Variants in ZNF487 observed in about 807,000 individuals in gnomAD.
The protein encoded by ZNF487 is KRAB domain only 1.
ZNF487 carries 4 observed loss-of-function variants against 3.0 expected under a neutral mutation model. The ratio of observed to expected loss-of-function variants is 1.35; its 90% CI spans 0.66 to 3.08. ZNF487 has a LOEUF of 3.08. ZNF487 is among the 30% of genes most tolerant of loss of function. The pLI, the probability that ZNF487 is intolerant of heterozygous loss-of-function variation, is 0.01. For synonymous variants in ZNF487, 55 were observed against 34.6 expected (o/e 1.59, Z -2.06); for missense variants, 146 against 98.7 (o/e 1.48, Z -2.03).
intron 3 of ZNF487, among the ~76,000 whole-genome samples, 166 bp from the exon 4 acceptor site, chr10:43,481,263 T>A (rs1841344330): frequency 6.6e-6 from 1 of 150,734 alleles, no homozygotes; most frequent in East Asian, 1.9e-4. Flanking sequence ...CCTGGGAGGT[T>A]GAGGCTGCAG....
intron 3 of ZNF487, among the ~76,000 whole-genome samples, chr10:43,479,968 TTCTTTTCTTTCTTTCC>T (rs1193196719): frequency 0.017 from 767 of 44,892 alleles, 21 homozygotes; most frequent in African/African-American, 0.025. Context: ...CTTTCTTTCT[TTCTTTTCTTTCTTTCC>T]TTCTTTCTTT....
intron 1 of ZNF487, among the ~76,000 whole-genome samples, chr10:43,446,864 G>T (rs1034541291): frequency 5.9e-5 from 9 of 152,318 alleles, no homozygotes; most frequent in Non-Finnish European, 1.2e-4. Context: ...GGTGGTTGTA[G>T]TGAGCGGAGA....
intron 1 of ZNF487, among the ~76,000 whole-genome samples, chr10:43,447,885 C>G (rs1839867734): frequency 6.6e-6 from 1 of 152,062 alleles, no homozygotes; most frequent in Non-Finnish European, 1.5e-5. Context: ...CTACAAACTA[C>G]TCAAGTCAGT....
At chr10:43,479,369 T>C (rs1216733530) in intron 3 of ZNF487, among the ~76,000 whole-genome samples, 2 of 152,190 alleles carry the variant, frequency 1.3e-5, no homozygotes, top group Admixed American at 6.5e-5. Context: ...TTTAGTGATC[T>C]ATTTTTCTTA....
Position 43,476,149 on chromosome 10 carries a change from A to T in ZNF487, c.77A>T (p.His26Leu). 1 of 717,546 alleles carries T rather than the reference A, an allele frequency of 1.4e-6. No individual in the cohort carries two copies. The highest frequency in any genetic ancestry group is 2.6e-6 in the Non-Finnish European group (1 of 385,118). 44.4% of individuals were successfully genotyped at this position (717,546 alleles called of 1,614,324 possible). A position where few individuals can be genotyped will look rare whatever the true frequency, so the allele number is the denominator to read the frequency against. The change falls in exon 3 of 4, where the codon CAT becomes CTT. Residue 26 changes from histidine to leucine, a missense_variant. Coordinates refer to ENST00000437590, the MANE Select transcript of ZNF487 (RefSeq NM_001355444.3). The part of the protein sequence containing the change: ...TKPEVVCKLE[H>L]GQVLWILEEE... ...CCAGAGGTGGTTTGCAAGTTGGAGC[A>T]TGGACAGGTGCTGTGGATATTAGAG...
At chr10:43,511,418 C>T in the ZNF487 span, among the ~76,000 whole-genome samples, 8 of 152,300 alleles carry the variant, frequency 5.3e-5, no homozygotes, top group East Asian at 1.5e-3. Flanking sequence ...AGATGGTAGT[C>T]TTGGCAGAAG....
chr10:43,498,272 A>AT, the ZNF487 span, among the ~76,000 whole-genome samples: 403 of 93,464 alleles, frequency 4.3e-3, 16 homozygotes, highest in African/African-American at 0.017. Flanking sequence ...ATATATATAT[A>AT]TATTTTTTTC....
intron 1 of ZNF487, among the ~76,000 whole-genome samples, chr10:43,441,181 G>A (rs531158616): frequency 6.6e-6 from 1 of 150,936 alleles, no homozygotes; most frequent in South Asian, 2.1e-4. Flanking sequence ...GAGCCAGGCT[G>A]CTTTCAAACT....
chr10:43,446,206 C>G (rs190761582), intron 1 of ZNF487, among the ~76,000 whole-genome samples: 2 of 152,108 alleles, frequency 1.3e-5, no homozygotes, highest in African/African-American at 4.8e-5. Flanking sequence ...ACCTCCCAGA[C>G]GGGGTGGTGG....
chr10:43,443,694 A>AT (rs948709516), intron 1 of ZNF487, among the ~76,000 whole-genome samples: 7 of 149,296 alleles, frequency 4.7e-5, no homozygotes, highest in East Asian at 2.0e-4. Flanking sequence ...GTTTTAATCA[A>AT]TTTTTTTTGT....
At chr10:43,464,691 A>G (rs1050054704) in intron 1 of ZNF487, among the ~76,000 whole-genome samples, 3 of 152,214 alleles carry the variant, frequency 2.0e-5, no homozygotes, top group African/African-American at 7.2e-5. Context: ...GGTTGGGGGT[A>G]AGGTCATAGA....
chr10:43,517,309 T>C, the ZNF487 span, among the ~76,000 whole-genome samples: 1 of 152,248 alleles, frequency 6.6e-6, no homozygotes, highest in South Asian at 2.1e-4. Flanking sequence ...TCAGTCCTCT[T>C]TGAGATCTAG....
At chr10:43,496,581 C>T in the ZNF487 span, among the ~76,000 whole-genome samples, 10 of 152,298 alleles carry the variant, frequency 6.6e-5, no homozygotes, top group Admixed American at 2.0e-4. Flanking sequence ...TGGTCCCTGT[C>T]CATTCAGGTG....
the ZNF487 span, among the ~76,000 whole-genome samples, chr10:43,503,701 G>C: frequency 6.6e-6 from 1 of 152,270 alleles, no homozygotes; most frequent in East Asian, 1.9e-4. Context: ...AACTTCCTGG[G>C]CTCAATCGAT....
At chr10:43,510,812 C>T in the ZNF487 span, among the ~76,000 whole-genome samples, 1 of 152,164 alleles carries the variant, frequency 6.6e-6, no homozygotes, top group East Asian at 1.9e-4. Flanking sequence ...TCCCAAAGTG[C>T]GGGGATTATA....
At chr10:43,498,075 T>TATATATATATATA in the ZNF487 span, among the ~76,000 whole-genome samples, 16 of 35,020 alleles carry the variant, frequency 4.6e-4, no homozygotes, top group African/African-American at 2.3e-3. Context: ...ATTTGGTATT[T>TATATATATATATA]TATATATATA....
chr10:43,449,126 C>T (rs1399400664), intron 1 of ZNF487, among the ~76,000 whole-genome samples: 1 of 152,072 alleles, frequency 6.6e-6, no homozygotes, highest in East Asian at 1.9e-4. Context: ...TGGTGAAACC[C>T]TGTCTCTACT....
chr10:43,505,126 C>T, the ZNF487 span, among the ~76,000 whole-genome samples: 35 of 151,868 alleles, frequency 2.3e-4, no homozygotes, highest in African/African-American at 8.5e-4. Context: ...CTCAAGCGTT[C>T]CTCCTGCCTC....
At chr10:43,448,654 A>G (rs1461435769) in intron 1 of ZNF487, among the ~76,000 whole-genome samples, 3 of 151,660 alleles carry the variant, frequency 2.0e-5, no homozygotes, top group African/African-American at 4.8e-5. Flanking sequence ...TGTCTCTACC[A>G]AAAATATAAA....
Sources: allele counts gnomAD v4.1 joint callset (sites outside exome capture counted in the v4.1 genomes callset), GRCh38; gene constraint gnomAD v4.1.1; transcripts MANE v1.5; gene names NCBI Gene and HGNC (gene_info 2026-07-23, HGNC 2026-07-21).